TTC7A: variants seen among roughly 807,000 people sequenced by gnomAD.
TTC7A encodes the protein tetratricopeptide repeat domain 7A.
TTC7A carries 110 observed loss-of-function variants against 103.7 expected under a neutral mutation model. The ratio of observed to expected loss-of-function variants is 1.06; its 90% CI spans 0.91 to 1.24. The LOEUF (loss-of-function observed/expected upper bound fraction) is 1.24, where lower values mean the gene tolerates loss of function less well. Ranked by LOEUF, TTC7A falls within the 50% of genes most tolerant of loss-of-function variation. The pLI, the probability that TTC7A is intolerant of heterozygous loss-of-function variation, is 0.00. For missense variants in TTC7A, 1,340 were observed against 1,116.3 expected (o/e 1.20, Z -2.86); for synonymous variants, 521 against 467.9 (o/e 1.11, Z -1.47).
At chr2:47,039,513 C>T (rs535427051) in intron 15 of TTC7A, among the ~76,000 whole-genome samples, 2 of 152,288 alleles carry the variant, frequency 1.3e-5, no homozygotes, top group African/African-American at 4.8e-5. Flanking sequence ...TTGGCTTAGC[C>T]AGAGACACCA....
At chr2:47,012,570 C>G (rs752730654) in intron 11 of TTC7A, among the ~76,000 whole-genome samples, 1 of 152,234 alleles carries the variant, frequency 6.6e-6, no homozygotes, top group South Asian at 2.1e-4. Context: ...AATTAGCAGC[C>G]TTTACAACTC....
At chr2:47,029,633 G>C (rs911314676) in intron 15 of TTC7A, among the ~76,000 whole-genome samples, 1 of 152,194 alleles carries the variant, frequency 6.6e-6, no homozygotes, top group Non-Finnish European at 1.5e-5. Context: ...CATGAGGTGG[G>C]GTCTGCATGG....
chr2:47,000,282 G>T (rs993054525), intron 8 of TTC7A, among the ~76,000 whole-genome samples: 1 of 151,878 alleles, frequency 6.6e-6, no homozygotes. Context: ...GTGCTTCCTG[G>T]GCTTGATTCC....
chr2:46,927,106 G>C (rs1200421706), intron 2 of TTC7A, among the ~76,000 whole-genome samples: 1 of 152,106 alleles, frequency 6.6e-6, no homozygotes, highest in Non-Finnish European at 1.5e-5. Flanking sequence ...AAGAGTCACA[G>C]AGAATTCAGT....
intron 2 of TTC7A, among the ~76,000 whole-genome samples, chr2:46,922,694 A>T (rs1669168391): frequency 6.6e-6 from 1 of 152,168 alleles, no homozygotes; most frequent in Admixed American, 6.5e-5. Flanking sequence ...CTCTCACTCA[A>T]CAACAAAAAA....
chr2:47,023,546 G>T, intron 13 of TTC7A, 81 bp downstream of exon 13: 1 of 1,390,870 alleles, frequency 7.2e-7, no homozygotes, highest in South Asian at 1.2e-5. Context: ...CAGACCCTCT[G>T]ATGTGGGCAG....
chr2:46,961,113 G>A (rs569845406), intron 3 of TTC7A, among the ~76,000 whole-genome samples: 2 of 152,188 alleles, frequency 1.3e-5, no homozygotes, highest in African/African-American at 2.4e-5. Flanking sequence ...TGTAACTTCC[G>A]CCAGCCTACG....
chr2:47,062,958 C>T (rs904313165), intron 19 of TTC7A, among the ~76,000 whole-genome samples: 4 of 152,242 alleles, frequency 2.6e-5, no homozygotes, highest in South Asian at 2.1e-4. Flanking sequence ...CGTGGGCAGC[C>T]CATCCCGTCT....
At chr2:47,047,595 AC>A (rs1682455292) in intron 16 of TTC7A, among the ~76,000 whole-genome samples, 1 of 152,194 alleles carries the variant, frequency 6.6e-6, no homozygotes, top group South Asian at 2.1e-4. Context: ...CAGGTGCACA[AC>A]CTGGCTCCCT....
chr2:46,950,632 C>T (rs1011968210), intron 2 of TTC7A, 106 bp downstream of exon 2: 11 of 1,279,506 alleles, frequency 8.6e-6, no homozygotes, highest in Non-Finnish European at 1.2e-5. Context: ...ACAAGTCTCT[C>T]TTACAAGCTG....
At chr2:46,984,586 C>G (rs987285245) in intron 5 of TTC7A, among the ~76,000 whole-genome samples, 2 of 152,216 alleles carry the variant, frequency 1.3e-5, no homozygotes, top group East Asian at 3.8e-4. Flanking sequence ...CTCCCCTTCC[C>G]CACAACTGAA....
chr2:47,038,629 T>TTGGGGGGC, intron 15 of TTC7A, among the ~76,000 whole-genome samples: 1 of 86,986 alleles, frequency 1.1e-5, no homozygotes, highest in South Asian at 4.8e-4. Flanking sequence ...TGCTGCCACT[T>TTGGGGGGC]CCCACCCACC....
rs780449127 is a variant in TTC7A, at chr2:47,073,896, C to G, written c.2550C>G (p.Pro850=). Residue 850 remains proline (P), a synonymous_variant, in exon 20 of 20, where the codon CCC becomes CCG. Coordinates refer to ENST00000319190, the MANE Select transcript of TTC7A (RefSeq NM_020458.4). ...LELEASSPVL[P]FSIIPREL Reference sequence around the variant, plus strand: ...TGGAGGCCAGCAGCCCTGTACTGCCCTTCTCCATCATCCCCAGAGAGCTCT... The same window carrying G: ...TGGAGGCCAGCAGCCCTGTACTGCCGTTCTCCATCATCCCCAGAGAGCTCT... 6.2e-7 allele frequency: 1 copy of G among 1,612,990 alleles called. No homozygotes were observed. The highest frequency in any genetic ancestry group is 1.1e-5 in the South Asian group (1 of 91,014).
At chr2:47,039,547 A>G (rs115054171) in intron 15 of TTC7A, among the ~76,000 whole-genome samples, 1,775 of 152,260 alleles carry the variant, frequency 0.012, 13 homozygotes, top group Non-Finnish European at 0.018. Flanking sequence ...TATCTACAAG[A>G]TAACTATTTT....
chr2:47,030,258 C>T (rs544103460), intron 15 of TTC7A, among the ~76,000 whole-genome samples: 5 of 152,314 alleles, frequency 3.3e-5, no homozygotes, highest in African/African-American at 9.6e-5. Flanking sequence ...AGGTGACTCA[C>T]GCTGTGTAAA....
Position 46,977,241 on chromosome 2 carries a change from A to G in TTC7A, c.649-1551A>G, listed in dbSNP as rs530584716. 2.0e-4 allele frequency among the ~76,000 whole-genome samples: 31 copies of G among 152,312 alleles called. 1 individual carries two copies. The highest frequency in any genetic ancestry group is 7.5e-4 in the African/African-American group (31 of 41,566). On this transcript the variant is annotated intron_variant, in intron 4 of 19. Transcript: ENST00000319190. ...AGACAAATGGGACCCTATAGTTGTT[A>G]TCTAAGTTGAGGGAGGGCAGGCCAC...
chr2:46,996,934 C>G (rs1676251814), intron 8 of TTC7A, among the ~76,000 whole-genome samples: 1 of 152,114 alleles, frequency 6.6e-6, no homozygotes, highest in African/African-American at 2.4e-5. Context: ...CTGGAATCAT[C>G]TGTCTGGAAA....
chr2:46,985,329 TTTGAAAGTC>T (rs566865041), intron 5 of TTC7A, among the ~76,000 whole-genome samples: 76 of 152,132 alleles, frequency 5.0e-4, no homozygotes, highest in Non-Finnish European at 9.4e-4. Context: ...AGCCCAAACA[TTTGAAAGTC>T]TTGAAAGTCT....
chr2:46,986,671 C>T (rs1675045473), intron 5 of TTC7A, among the ~76,000 whole-genome samples: 1 of 152,186 alleles, frequency 6.6e-6, no homozygotes, highest in Non-Finnish European at 1.5e-5. Context: ...CTGCTTCCTG[C>T]CTGAGCTCAT....
Sources: gnomAD v4.1 joint callset for allele counts (sites outside exome capture counted in the v4.1 genomes callset) on GRCh38, gnomAD v4.1.1 for gene constraint, MANE v1.5 for transcripts, NCBI Gene and HGNC (gene_info 2026-07-23, HGNC 2026-07-21) for gene names.